The following CAT variants were observed in gnomAD, a reference collection of about 807,000 sequenced individuals.
CAT encodes catalase.
A neutral mutation model predicts 59.0 loss-of-function variants in CAT; 43 were observed. The ratio of observed to expected loss-of-function variants is 0.73; its 90% CI spans 0.57 to 0.94. The LOEUF is 0.94. Ranked by LOEUF, CAT falls within the 40% of genes least tolerant of loss-of-function variation. CAT has a pLI of 0.00. For missense variants in CAT, 664 were observed against 682.9 expected (o/e 0.97, Z 0.31); for synonymous variants, 218 against 230.9 (o/e 0.94, Z 0.51).
Position 34,461,232 on chromosome 11 carries a change from A to G in CAT, c.1057-19A>G, listed in dbSNP as rs746859626. 83 of 1,613,516 alleles carry G rather than the reference A, an allele frequency of 5.1e-5. No homozygotes were observed. Among genetic ancestry groups the G allele is most frequent in the East Asian group, 4.5e-4 (20 of 44,874 alleles). ...ATGTTACTGCCCCTAGTCAGTGTCT[A>G]TTGTATTTATTACTGCAGGGCCGCC... On this transcript the variant is annotated intron_variant, in intron 8 of 12. Coordinates refer to ENST00000241052, the MANE Select transcript of CAT (RefSeq NM_001752.4).
intron 11 of CAT, 57 bp from the exon 12 acceptor site, chr11:34,470,901 G>A: frequency 7.3e-7 from 1 of 1,377,240 alleles, no homozygotes. Context: ...CAGTCCCTGG[G>A]GAGTGATATA....
chr11:34,440,097 G>A (rs888257357), intron 1 of CAT, among the ~76,000 whole-genome samples: 5 of 152,192 alleles, frequency 3.3e-5, no homozygotes, highest in African/African-American at 1.2e-4. Flanking sequence ...GTCTTGCCCT[G>A]TTCCCTGGCT....
intron 1 of CAT, among the ~76,000 whole-genome samples, chr11:34,448,849 G>A (rs373991456): frequency 6.6e-6 from 1 of 152,156 alleles, no homozygotes; most frequent in Non-Finnish European, 1.5e-5. Flanking sequence ...TCACTGTTAA[G>A]CTTGTAGGAC....
At chr11:34,460,468 T>C (rs2133856410) in intron 8 of CAT, among the ~76,000 whole-genome samples, 1 of 148,832 alleles carries the variant, frequency 6.7e-6, no homozygotes, top group African/African-American at 2.5e-5. Flanking sequence ...TTTTTTTTTT[T>C]TTTCTGATCT....
At chr11:34,447,799 C>T (rs1056153447) in intron 1 of CAT, among the ~76,000 whole-genome samples, 4 of 152,150 alleles carry the variant, frequency 2.6e-5, no homozygotes, top group African/African-American at 9.7e-5. Flanking sequence ...CATGTGTTAA[C>T]CTTAGGAGGT....
At chr11:34,446,306 C>G (rs1253029192) in intron 1 of CAT, among the ~76,000 whole-genome samples, 1 of 152,156 alleles carries the variant, frequency 6.6e-6, no homozygotes, top group African/African-American at 2.4e-5. Context: ...GACAATTGAT[C>G]TAACTGTTAG....
In CAT at chr11:34,456,088, G is replaced by A. The variant is rs1590304229; in HGVS notation, c.789G>A (p.Arg263=). The A allele has an allele frequency of 6.2e-7, 1 of 1,614,000 alleles. No homozygotes were observed. The highest frequency in any genetic ancestry group is 1.1e-5 in the South Asian group (1 of 91,054). ...LSQEDPDYGI[R]DLFNAIATGK... is the part of the protein sequence containing the mutation. ...AGGAAGATCCTGACTATGGCATCCG[G>A]GATCTTTTTAACGCCATTGCCACAG... Residue 263 remains arginine, a synonymous_variant, in exon 7 of 13, where the codon CGG becomes CGA. Coordinates refer to ENST00000241052, the MANE Select transcript of CAT (RefSeq NM_001752.4).
chr11:34,466,621 C>CA (rs773459958), intron 10 of CAT, among the ~76,000 whole-genome samples: 88 of 145,880 alleles, frequency 6.0e-4, no homozygotes, highest in Non-Finnish European at 1.1e-3. Context: ...ACTAAAAATA[C>CA]AAAAAAAAAA....
rs542314685 is a variant in CAT, at chr11:34,442,324, C to A, written c.66+3245C>A. Among the ~76,000 whole-genome samples, 3 of 152,146 alleles carry A rather than the reference C, an allele frequency of 2.0e-5. No individual in the cohort carries two copies. The East Asian group carries it at 5.8e-4, about 29-fold the overall frequency. The stretch of plus-strand genomic sequence containing the variant: ...TATAAACATATTAGAAATTTATGGC[C>A]GGGTGCAGTGACTCACACCTATAAT... On this transcript the variant is annotated intron_variant, in intron 1 of 12. Coordinates refer to ENST00000241052, the MANE Select transcript of CAT (RefSeq NM_001752.4).
chr11:34,457,024 G>C, intron 8 of CAT: 1 of 585,908 alleles, frequency 1.7e-6, no homozygotes. Flanking sequence ...ATAAACAAAA[G>C]TCCATGGTAA....
intron 8 of CAT, 154 bp downstream of exon 8, chr11:34,456,971 A>G: frequency 1.3e-6 from 1 of 770,144 alleles, no homozygotes; most frequent in Non-Finnish European, 2.2e-6. Flanking sequence ...GGATTCACTG[A>G]GGTGAACTAT....
At chr11:34,454,026 C>T in intron 6 of CAT, 100 bp downstream of exon 6, 2 of 1,275,888 alleles carry the variant, frequency 1.6e-6, no homozygotes, top group Non-Finnish European at 2.2e-6. Context: ...TCCCACTTTT[C>T]CCTCACCTCC....
At chr11:34,467,093 A>G (rs1013865819) in intron 10 of CAT, among the ~76,000 whole-genome samples, 4 of 152,234 alleles carry the variant, frequency 2.6e-5, no homozygotes, top group African/African-American at 4.8e-5. Flanking sequence ...AGACATGATA[A>G]TTGGAAAGAG....
Position 34,461,235 on chromosome 11 carries a change from G to A in CAT, c.1057-16G>A, listed in dbSNP as rs1201941760. ...TTACTGCCCCTAGTCAGTGTCTATT[G>A]TATTTATTACTGCAGGGCCGCCTTT... On this transcript the variant is annotated splice_polypyrimidine_tract_variant and intron_variant, in intron 8 of 12. Coordinates refer to ENST00000241052, the MANE Select transcript of CAT (RefSeq NM_001752.4). 6.2e-7 allele frequency: 1 copy of A among 1,613,934 alleles called. No homozygotes were observed. The highest frequency in any genetic ancestry group is 1.1e-5 in the South Asian group (1 of 91,078).
At chr11:34,450,852 C>T in intron 2 of CAT, 136 bp from the exon 3 acceptor site, 1 of 766,852 alleles carries the variant, frequency 1.3e-6, no homozygotes, top group Non-Finnish European at 2.4e-6. Context: ...GGGCATTTCC[C>T]CTTCCTCCAA....
chr11:34,471,186 T>C (rs759202249), intron 12 of CAT, 145 bp downstream of exon 12: 19 of 915,310 alleles, frequency 2.1e-5, no homozygotes, highest in Non-Finnish European at 2.7e-5. Context: ...GAAATTCATT[T>C]GAGAGATAAA....
chr11:34,468,223 A>G (rs1856740775), intron 10 of CAT, 65 bp from the exon 11 acceptor site: 17 of 1,036,410 alleles, frequency 1.6e-5, no homozygotes, highest in Non-Finnish European at 2.3e-5. Context: ...GTGTTGTAGT[A>G]GGTGAATTTT....
intron 10 of CAT, among the ~76,000 whole-genome samples, chr11:34,468,076 A>G (rs1444155769): frequency 6.6e-6 from 1 of 152,244 alleles, no homozygotes; most frequent in Non-Finnish European, 1.5e-5. Flanking sequence ...AAAGGATATT[A>G]TTAGAAAGCA....
chr11:34,458,264 ACT>A (rs1856613622), intron 8 of CAT, among the ~76,000 whole-genome samples: 1 of 152,236 alleles, frequency 6.6e-6, no homozygotes, highest in East Asian at 1.9e-4. Flanking sequence ...ATAAACAGTC[ACT>A]CTCTCCTGAA....
Sources: gnomAD v4.1 joint callset for allele counts (sites outside exome capture counted in the v4.1 genomes callset) on GRCh38, gnomAD v4.1.1 for gene constraint, MANE v1.5 for transcripts, NCBI Gene and HGNC (gene_info 2026-07-23, HGNC 2026-07-21) for gene names.